PCDHA4: variants seen among roughly 807,000 people sequenced by gnomAD.
The protein encoded by PCDHA4 is protocadherin alpha 4.
PCDHA4 carries 49 observed loss-of-function variants against 61.4 expected under a neutral mutation model. The observed-to-expected ratio is 0.80, with a 90% confidence interval of 0.63 to 1.01. The LOEUF is 1.01. Among genes scored for constraint, PCDHA4 ranks in the 50% least tolerant of loss-of-function variants. The pLI, the probability that PCDHA4 is intolerant of heterozygous loss-of-function variation, is 0.00. For missense variants in PCDHA4, 1,254 were observed against 1,235.8 expected, an observed-to-expected ratio of 1.01 and a Z score of -0.22; for synonymous variants, 590 against 550.3, an observed-to-expected ratio of 1.07 and a Z score of -1.01.
intron 1 of PCDHA4, chr5:140,823,119 C>T: frequency 6.2e-7 from 1 of 1,614,054 alleles, no homozygotes; most frequent in Non-Finnish European, 8.5e-7. Flanking sequence ...CCGACGTGAA[C>T]GACAACGCTC....
chr5:140,811,332 A>G (rs1401221708), intron 1 of PCDHA4: 2 of 152,262 alleles, frequency 1.3e-5, no homozygotes, highest in East Asian at 3.8e-4. Flanking sequence ...TACAAAGGAC[A>G]TGAACTCACC....
rs1554136166 is a variant in PCDHA4 at position 140,836,634 on chromosome 5, T to A, written c.2385+27062T>A. On this transcript the variant is annotated intron_variant, in intron 1 of 3. Transcript: ENST00000530339. ...CAGCGCGGTGGGGAGCTGGTCATTC[T>A]CCCAGCAGAGGCGGCAGAGGGTGTG... 6 of 1,613,416 alleles carry A rather than the reference T, an allele frequency of 3.7e-6. No homozygotes were observed. The East Asian group carries it at 1.3e-4, about 36-fold the overall frequency.
chr5:140,876,560 C>T (rs2056422143), intron 1 of PCDHA4: 2 of 1,614,068 alleles, frequency 1.2e-6, no homozygotes, highest in African/African-American at 2.7e-5. Flanking sequence ...CAAGAGGATG[C>T]TCAGGTGGGT....
intron 3 of PCDHA4, among the ~76,000 whole-genome samples, chr5:140,993,009 G>C (rs1228975075): frequency 3.9e-5 from 6 of 152,172 alleles, no homozygotes; most frequent in Non-Finnish European, 8.8e-5. Flanking sequence ...CCTCCCCAGA[G>C]TCCAGCATCC....
rs782421721 is a variant in PCDHA4, at chr5:140,966,807, C to T, written c.2386-12142C>T. Reference sequence around the variant, plus strand: ...ACCAGACCTGCGGCGACAGAGCATCCACGGCTCCGGCGGCCCATGCCCTGG... The same window carrying T: ...ACCAGACCTGCGGCGACAGAGCATCTACGGCTCCGGCGGCCCATGCCCTGG... On this transcript the variant is annotated intron_variant, in intron 1 of 3. Transcript: ENST00000530339. 3 of 1,547,208 alleles carry T rather than the reference C, an allele frequency of 1.9e-6. No homozygotes were observed. The South Asian group carries it at 3.6e-5, about 18-fold the overall frequency.
At chr5:140,986,135 A>G (rs2097188048) in intron 3 of PCDHA4, among the ~76,000 whole-genome samples, 1 of 152,256 alleles carries the variant, frequency 6.6e-6, no homozygotes, top group Non-Finnish European at 1.5e-5. Flanking sequence ...GAAAGGATCA[A>G]CAAGGGCATC....
At chr5:140,836,244 C>T (rs2150256239) in intron 1 of PCDHA4, 3 of 1,613,684 alleles carry the variant, frequency 1.9e-6, no homozygotes, top group South Asian at 2.2e-5. Flanking sequence ...TGCGAGCATC[C>T]CGTTCCGCGT....
intron 1 of PCDHA4, chr5:140,871,166 C>G: frequency 1.2e-6 from 2 of 1,613,486 alleles, no homozygotes; most frequent in Non-Finnish European, 1.7e-6. Flanking sequence ...GCCGCGAGCC[C>G]AGAGGCTGCG....
chr5:140,823,111 G>A (rs1554129147), intron 1 of PCDHA4: 3 of 1,614,060 alleles, frequency 1.9e-6, no homozygotes, highest in Non-Finnish European at 2.5e-6. Context: ...GGAAGTGGCC[G>A]ACGTGAACGA....
chr5:140,966,490 T>C lies in PCDHA4; in HGVS notation c.2386-12459T>C, dbSNP rs533525977. 6.2e-5 allele frequency: 27 copies of C among 438,082 alleles called. No individual in the cohort carries two copies. In the Admixed American group the frequency reaches 1.1e-3, roughly 18 times the overall value. The allele number at this position is 438,082 out of a possible 1,614,324, so 27.1% of individuals were successfully genotyped here. On this transcript the variant is annotated intron_variant, in intron 1 of 3. Coordinates refer to ENST00000530339, the MANE Select transcript of PCDHA4 (RefSeq NM_018907.4). ...CCTTCTGTTTCCTTTTCCCTCCCCC[T>C]GGAGCTGTAGCGGCAGCAGCAGCAG... is the stretch of plus-strand genomic sequence containing the variant.
rs184181976 is a variant in PCDHA4, at chr5:141,009,882, A to C, written c.2789A>C (p.Lys930Thr). Reference protein sequence around the residue: ...KKKKKKKKGNKTQEKKEKGNS... With the variant: ...KKKKKKKKGNTTQEKKEKGNS... Reference sequence around the variant, plus strand: ...AAGAAGAAAAAGAAGAAGGGTAACAAGACCCAGGAGAAAAAAGAGAAAGGG... The same window carrying C: ...AAGAAGAAAAAGAAGAAGGGTAACACGACCCAGGAGAAAAAAGAGAAAGGG... The change falls in exon 4 of 4, where the codon AAG becomes ACG. Residue 930 changes from lysine (K) to threonine (T), a missense_variant. Physicochemically the swap from Lys to Thr is moderately conservative, Grantham distance 78. Transcript: ENST00000530339. 6.2e-7 allele frequency: 1 copy of C among 1,613,488 alleles called. No homozygotes were observed. Among genetic ancestry groups the C allele is most frequent in the Non-Finnish European group, 8.5e-7 (1 of 1,179,914 alleles).
chr5:140,965,011 A>T (rs1418726287), intron 1 of PCDHA4, among the ~76,000 whole-genome samples: 1 of 152,186 alleles, frequency 6.6e-6, no homozygotes, highest in Non-Finnish European at 1.5e-5. Context: ...TGTCAGGATC[A>T]CAACCTTGGC....
chr5:140,926,353 C>T (rs1402316154), intron 1 of PCDHA4: 1 of 152,272 alleles, frequency 6.6e-6, no homozygotes, highest in Non-Finnish European at 1.5e-5. Flanking sequence ...ACGCGCGGCT[C>T]CCAAAGGGCG....
At position 141,011,314 on chromosome 5, in the gene PCDHA4, T is replaced by G. The variant is rs1269900647; in HGVS notation, c.*1377T>G. 2.0e-5 allele frequency: 3 copies of G among 153,782 alleles called. No homozygotes were observed. Among genetic ancestry groups the G allele is most frequent in the Non-Finnish European group, 4.4e-5 (3 of 68,040 alleles). 9.5% of individuals were successfully genotyped at this position (153,782 alleles called of 1,614,324 possible). On this transcript the variant is annotated 3_prime_UTR_variant, in exon 4 of 4. Coordinates refer to ENST00000530339, the MANE Select transcript of PCDHA4 (RefSeq NM_018907.4). ...CTATAACACTCTGAATTGCTAATCT[T>G]ACTAACACCTATGATGTTACCTGAA...
intron 1 of PCDHA4, among the ~76,000 whole-genome samples, chr5:140,832,359 G>A (rs2150201276): frequency 9.9e-5 from 15 of 152,276 alleles, no homozygotes; most frequent in African/African-American, 3.4e-4. Context: ...TTCCTAATGT[G>A]AGCATTTTCC....
intron 1 of PCDHA4, chr5:140,927,861 C>T (rs782305822): frequency 1.2e-6 from 2 of 1,614,042 alleles, no homozygotes; most frequent in East Asian, 2.2e-5. Context: ...TAGCTAGCAC[C>T]GCTAAACTGC....
intron 1 of PCDHA4, chr5:140,926,949 G>C: frequency 3.8e-6 from 6 of 1,592,316 alleles, no homozygotes; most frequent in Non-Finnish European, 5.1e-6. Context: ...GCGCTGCAGC[G>C]GGACAGCTCG....
At chr5:140,929,390 T>C in intron 1 of PCDHA4, 1 of 1,511,570 alleles carries the variant, frequency 6.6e-7, no homozygotes, top group Non-Finnish European at 8.8e-7. Flanking sequence ...TGTTTTGAAA[T>C]ATTTCTTAGA....
intron 3 of PCDHA4, among the ~76,000 whole-genome samples, chr5:140,995,652 C>T (rs1018975214): frequency 2.0e-5 from 3 of 151,828 alleles, no homozygotes; most frequent in East Asian, 1.9e-4. Context: ...AAAGGAGAAT[C>T]GAAAAGGGAA....
Sources: gnomAD v4.1 joint callset for allele counts (sites outside exome capture counted in the v4.1 genomes callset) on GRCh38, gnomAD v4.1.1 for gene constraint, MANE v1.5 for transcripts, NCBI Gene and HGNC (gene_info 2026-07-23, HGNC 2026-07-21) for gene names.